The following CLCN1 variants were observed in gnomAD, a reference collection of about 807,000 sequenced individuals.
CLCN1 encodes chloride channel protein 1.
CLCN1 carries 100 observed loss-of-function variants against 114.5 expected under a neutral mutation model. The observed-to-expected ratio is 0.87, with a 90% CI of 0.74 to 1.03. The LOEUF is 1.03. Among genes scored for constraint, CLCN1 ranks in the 50% least tolerant of loss-of-function variants. The pLI, the probability that CLCN1 is intolerant of heterozygous loss-of-function variation, is 0.00. For missense variants in CLCN1, 1,188 were observed against 1,250.0 expected (o/e 0.95, Z 0.75); for synonymous variants, 485 against 487.1 (o/e 1.00, Z 0.06).
intron 22 of CLCN1, 80 bp from the exon 23 acceptor site, chr7:143,351,514 C>G: frequency 2.0e-6 from 3 of 1,489,960 alleles, no homozygotes. Flanking sequence ...TGTACCTGTT[C>G]TTTTCTGTGT....
chr7:143,340,629 C>T (rs1174423729), intron 14 of CLCN1, among the ~76,000 whole-genome samples: 1 of 152,074 alleles, frequency 6.6e-6, no homozygotes, highest in Non-Finnish European at 1.5e-5. Context: ...GCCTCCTGGG[C>T]TCAAGTGATT....
chr7:143,337,575 G>A (rs960518903), intron 12 of CLCN1, among the ~76,000 whole-genome samples: 3 of 152,056 alleles, frequency 2.0e-5, no homozygotes, highest in Admixed American at 2.0e-4. Flanking sequence ...GTGCAATTGC[G>A]CACAGCTCTA....
At chr7:143,342,654 G>T in intron 16 of CLCN1, 149 bp downstream of exon 16, 1 of 804,206 alleles carries the variant, frequency 1.2e-6, no homozygotes, top group Non-Finnish European at 2.1e-6. Context: ...CATAACACAA[G>T]CACACAAAGA....
Position 143,332,943 on chromosome 7 carries a change from T to A in CLCN1, c.1401+70T>A, listed in dbSNP as rs1323826697. On this transcript the variant is annotated intron_variant, in intron 12 of 22. Coordinates refer to ENST00000343257, the MANE Select transcript of CLCN1 (RefSeq NM_000083.3). The stretch of plus-strand genomic sequence containing the variant: ...TCAATCTATGAACCCAGGGTTTGCA[T>A]AGGGTAGGAAGGGGTAGAACTTCAT... The A allele has an allele frequency of 4.2e-5, 65 of 1,540,922 alleles. 1 individual carries two copies. In the South Asian group the frequency reaches 6.9e-4, roughly 16 times the overall value.
In CLCN1 at chr7:143,321,555, C is replaced by T. The variant is rs942044088; in HGVS notation, c.562+62C>T. 26 of 1,611,778 alleles carry T rather than the reference C, an allele frequency of 1.6e-5. No individual in the cohort carries two copies. The highest frequency in any genetic ancestry group is 2.2e-5 in the Non-Finnish European group (26 of 1,178,932). On this transcript the variant is annotated intron_variant, in intron 4 of 22. Transcript: ENST00000343257. The surrounding 1 kb of genome is among the most constrained non-coding windows in gnomAD (Gnocchi z 4.2). ...GGCCTGAGAGGGGCCCTGTCTGTCTCCCCCATCATCCAGCCCCACCCACAG... is the reference window on the plus strand; with the variant it reads ...GGCCTGAGAGGGGCCCTGTCTGTCTTCCCCATCATCCAGCCCCACCCACAG...
intron 6 of CLCN1, chr7:143,323,630 C>T: frequency 1.5e-6 from 1 of 655,038 alleles, no homozygotes; most frequent in Non-Finnish European, 2.9e-6. Context: ...ACATGGAGGT[C>T]TGGTCTGTCG....
chr7:143,337,980 C>A (rs1383118038), intron 12 of CLCN1, among the ~76,000 whole-genome samples: 1 of 151,496 alleles, frequency 6.6e-6, no homozygotes, highest in African/African-American at 2.4e-5. Flanking sequence ...GTGCCCACCA[C>A]CATGCCTGGC....
At chr7:143,322,684 G>A (rs958124339) in intron 5 of CLCN1, among the ~76,000 whole-genome samples, 3 of 152,296 alleles carry the variant, frequency 2.0e-5, no homozygotes, top group African/African-American at 7.2e-5. Context: ...CACCACATCT[G>A]GTAATTTTTG....
At chr7:143,336,617 A>AG (rs1802905048) in intron 12 of CLCN1, among the ~76,000 whole-genome samples, 1 of 141,040 alleles carries the variant, frequency 7.1e-6, no homozygotes, top group Non-Finnish European at 1.5e-5. Flanking sequence ...AAAAAAAAAA[A>AG]AAAAAAAAGA....
chr7:143,330,631 A>C, intron 7 of CLCN1, 141 bp from the exon 8 acceptor site: 1 of 1,108,158 alleles, frequency 9.0e-7, no homozygotes, highest in Non-Finnish European at 1.3e-6. Context: ...GAGCATGGGA[A>C]TCCAAGAGAT....
At chr7:143,327,054 T>C (rs1016576664) in intron 7 of CLCN1, among the ~76,000 whole-genome samples, 2 of 152,204 alleles carry the variant, frequency 1.3e-5, no homozygotes, top group South Asian at 2.1e-4. Context: ...AAGAACAGCC[T>C]GGCCAATATG....
At position 143,320,836 on chromosome 7, in the gene CLCN1, G is replaced by A. The variant is rs779787502; in HGVS notation, c.433+41G>A. The A allele has an allele frequency of 8.1e-6, 13 of 1,612,826 alleles. No individual in the cohort carries two copies. The East Asian group carries it at 2.2e-4, about 28-fold the overall frequency. On this transcript the variant is annotated intron_variant, in intron 3 of 22. Coordinates refer to ENST00000343257, the MANE Select transcript of CLCN1 (RefSeq NM_000083.3). ...ACCTTTGCCCACAGCCGTTTCTGGAGTTTCTACCTAGGGTAAGCAGGGTGT... is the reference window on the plus strand; with the variant it reads ...ACCTTTGCCCACAGCCGTTTCTGGAATTTCTACCTAGGGTAAGCAGGGTGT...
intron 7 of CLCN1, among the ~76,000 whole-genome samples, chr7:143,326,008 T>G (rs569471066): frequency 2.0e-4 from 30 of 152,070 alleles, no homozygotes; most frequent in Admixed American, 3.3e-4. Flanking sequence ...TACTTGTTTT[T>G]TTTGTTTGTT....
At chr7:143,326,388 G>T (rs1028580190) in intron 7 of CLCN1, among the ~76,000 whole-genome samples, 13 of 152,184 alleles carry the variant, frequency 8.5e-5, no homozygotes, top group Admixed American at 3.3e-4. Context: ...GAAATAAATG[G>T]AATTCAGCAT....
chr7:143,321,313 G>GACAC lies in CLCN1; in HGVS notation c.434-51_434-48dup. 6.2e-7 allele frequency: 1 copy of GACAC among 1,608,584 alleles called. No homozygotes were observed. The highest frequency in any genetic ancestry group is 8.5e-7 in the Non-Finnish European group (1 of 1,176,924). ...GCCGGGTACACGTCCTGGTGCCGTGGACACGGCTGCTCAGCCATGTTCTGC... is the reference window on the plus strand; with the variant it reads ...GCCGGGTACACGTCCTGGTGCCGTGGACACACACGGCTGCTCAGCCATGTTCTGC... On this transcript the variant is annotated intron_variant, in intron 3 of 22. Coordinates refer to ENST00000343257, the MANE Select transcript of CLCN1 (RefSeq NM_000083.3). This position sits in a 1 kb window ranked among gnomAD's most constrained non-coding sequence, Gnocchi z 4.2.
intron 3 of CLCN1, 83 bp downstream of exon 3, chr7:143,320,878 G>A (rs1410231322): frequency 6.6e-7 from 1 of 1,503,992 alleles, no homozygotes. Context: ...GGAAGCGAAT[G>A]TTAAGCAGGG....
chr7:143,319,320 A>G (rs1802367117), intron 1 of CLCN1, among the ~76,000 whole-genome samples: 1 of 152,186 alleles, frequency 6.6e-6, no homozygotes, highest in Non-Finnish European at 1.5e-5. Flanking sequence ...TAGTTAGCCC[A>G]GTCTGTCCTC....
intron 2 of CLCN1, 76 bp downstream of exon 2, chr7:143,319,951 A>G: frequency 6.7e-7 from 1 of 1,495,584 alleles, no homozygotes; most frequent in Admixed American, 1.7e-5. Flanking sequence ...TGGGCATCCC[A>G]TTGCACGTAC....
At position 143,339,303 on chromosome 7, in the gene CLCN1, C is replaced by T; in HGVS notation, c.1452C>T (p.Phe484=). 1 of 1,613,102 alleles carries T rather than the reference C, an allele frequency of 6.2e-7. No homozygotes were observed. Among genetic ancestry groups the T allele is most frequent in the Admixed American group, 1.7e-5 (1 of 60,026 alleles). The part of the protein sequence containing the change: ...ATTMPIPCGG[F]MPVFVLGAAF... The stretch of plus-strand genomic sequence containing the variant: ...CTATGCCCATACCCTGCGGAGGCTT[C>T]ATGCCTGTGTTTGTGCTAGGTAAGT... The change falls in exon 13 of 23, where the codon TTC becomes TTT. Residue 484 remains phenylalanine, a synonymous_variant. Coordinates refer to ENST00000343257, the MANE Select transcript of CLCN1 (RefSeq NM_000083.3). This position sits in a 1 kb window ranked among gnomAD's most constrained non-coding sequence, Gnocchi z 4.1.
Sources: allele counts gnomAD v4.1 joint callset (sites outside exome capture counted in the v4.1 genomes callset), GRCh38; gene constraint gnomAD v4.1.1; non-coding constraint Gnocchi (gnomAD v3.1); transcripts MANE v1.5; gene names NCBI Gene and HGNC (gene_info 2026-07-23, HGNC 2026-07-21).